The following FMNL3 variants were observed in gnomAD, a reference collection of about 807,000 sequenced individuals.
FMNL3 encodes formin like 3, also known as formin-like protein 3.
A neutral mutation model predicts 119.6 loss-of-function variants in FMNL3; 57 were observed. That is an observed-to-expected ratio of 0.48 (90% CI 0.39 to 0.59). The LOEUF (loss-of-function observed/expected upper bound fraction) is 0.59. Among genes scored for constraint, FMNL3 ranks in the 20% least tolerant of loss-of-function variants. The probability of loss-of-function intolerance (pLI) is 0.00; values close to 1 mark genes in which losing one functional copy is unlikely to be tolerated. For synonymous variants in FMNL3, 491 were observed against 507.3 expected, an observed-to-expected ratio of 0.97 and a Z score of 0.43; for missense variants, 1,053 against 1,323.5, an observed-to-expected ratio of 0.80 and a Z score of 3.17.
In FMNL3 at chr12:49,649,702, T is replaced by C. The variant is rs1943334567; in HGVS notation, c.2224A>G (p.Met742Val). 1 of 1,614,106 alleles carries C rather than the reference T, an allele frequency of 6.2e-7. No individual in the cohort carries two copies. Among genetic ancestry groups the C allele is most frequent in the Non-Finnish European group, 8.5e-7 (1 of 1,179,994 alleles). ...FLGNFQDNLQ[M>V]LTPQLNAIIA... ...GGTGGGGGCTGTACCGGTGTGAGCATCTGCAGGTTATCCTGGAAGTTCCCC... is the reference window on the plus strand; with the variant it reads ...GGTGGGGGCTGTACCGGTGTGAGCACCTGCAGGTTATCCTGGAAGTTCCCC... The change falls in exon 18 of 26, where the codon ATG (methionine) becomes GTG (valine). Residue 742 changes from methionine (M) to valine (V), a missense_variant. By Grantham distance (21) the Met-to-Val change is conservative. Around this residue, in one of 4 missense-constraint regions of FMNL3, gnomAD observed 324 missense variants for 380.9 expected, o/e 0.85. Coordinates refer to ENST00000335154, the MANE Select transcript of FMNL3 (RefSeq NM_175736.5). The surrounding 1 kb of genome is among the most constrained non-coding windows in gnomAD (Gnocchi z 5.6).
rs1942667809 is a variant in FMNL3 at position 49,641,644 on chromosome 12, T to C, written c.*4171A>G. The C allele has an allele frequency of 1.1e-5, 5 of 459,110 alleles. No individual in the cohort carries two copies. The highest frequency in any genetic ancestry group is 1.9e-5 in the Non-Finnish European group (5 of 257,018). The allele number at this position is 459,110 out of a possible 1,614,324, so 28.4% of individuals were successfully genotyped here. A position where few individuals can be genotyped will look rare whatever the true frequency, so the allele number is the denominator to read the frequency against. On this transcript the variant is annotated 3_prime_UTR_variant, in exon 26 of 26. Coordinates refer to ENST00000335154, the MANE Select transcript of FMNL3 (RefSeq NM_175736.5). ...AAGCCAAAGGAACAAAAGTTAATTT[T>C]GAGAAACTCAGCATTAATCAGCAGT...
intron 4 of FMNL3, among the ~76,000 whole-genome samples, chr12:49,662,776 C>A (rs1412373778): frequency 6.6e-6 from 1 of 152,142 alleles, no homozygotes; most frequent in East Asian, 1.9e-4. Flanking sequence ...TATCCCAGGG[C>A]ATTATTTTCC....
chr12:49,647,793 A>G lies in FMNL3; in HGVS notation c.2688T>C (p.Asn896=), dbSNP rs1395525475. ...TCTCGCCAAAGTAGCGCACAACTGC[A>G]TTGTAGGCCTCCTGGGGAAGGGGTG... ...RDAKTAEEAY[N]AVVRYFGESP... The change falls in exon 23 of 26, where the codon AAT becomes AAC. Residue 896 remains asparagine (N), a synonymous_variant. Coordinates refer to ENST00000335154, the MANE Select transcript of FMNL3 (RefSeq NM_175736.5). This position sits in a 1 kb window ranked among gnomAD's most constrained non-coding sequence, Gnocchi z 4.9. 6.2e-7 allele frequency: 1 copy of G among 1,613,908 alleles called. No individual in the cohort carries two copies. Among genetic ancestry groups the G allele is most frequent in the Admixed American group, 1.7e-5 (1 of 60,020 alleles).
rs763362137 is a variant in FMNL3 at position 49,657,147 on chromosome 12, G to C, written c.649C>G (p.Leu217Val). Residue 217 changes from leucine (L) to valine (V), a missense_variant, in exon 7 of 26, where the codon CTA (leucine) becomes GTA (valine). Physicochemically the swap from Leu to Val is conservative, Grantham distance 32. This residue lies in a region of FMNL3 where 445 missense variants were observed against 628.4 expected (regional missense o/e 0.71). Transcript: ENST00000335154. ...PGRRALKNSR[L>V]VSQKDDVHVC... ...TGGACGTCATCCTTCTGGCTCACTA[G>C]GCGGGAGTTCTTCAGGGCCCTGCGC... 10 of 1,614,032 alleles carry C rather than the reference G, an allele frequency of 6.2e-6. 1 individual carries two copies. In the African/African-American group the frequency reaches 1.3e-4, roughly 22 times the overall value.
chr12:49,653,582 G>A, intron 12 of FMNL3, 143 bp downstream of exon 12: 2 of 1,230,150 alleles, frequency 1.6e-6, no homozygotes, highest in Non-Finnish European at 1.1e-6. Flanking sequence ...CAGTGGCTCA[G>A]GCCTGAGTAT....
chr12:49,687,079 A>G (rs1944482865), intron 1 of FMNL3, among the ~76,000 whole-genome samples: 2 of 151,330 alleles, frequency 1.3e-5, no homozygotes, highest in Non-Finnish European at 1.5e-5. Context: ...CATCTTATCT[A>G]AATATCTTCC....
intron 1 of FMNL3, among the ~76,000 whole-genome samples, chr12:49,692,492 C>T (rs1419668582): frequency 3.9e-5 from 6 of 152,082 alleles, no homozygotes; most frequent in Admixed American, 3.9e-4. Flanking sequence ...CCACTCAATC[C>T]CCTCCACAGT....
rs555341101 is a variant in FMNL3, at chr12:49,706,075, C to T, written c.126+980G>A. 3.3e-5 allele frequency among the ~76,000 whole-genome samples: 5 copies of T among 152,312 alleles called. No individual in the cohort carries two copies. In the South Asian group the frequency reaches 1.0e-3, roughly 32 times the overall value. On this transcript the variant is annotated intron_variant, in intron 1 of 25. Transcript: ENST00000335154. ...CTCTTTGGGGAAGTGAGAACTATTT[C>T]CCCAAATTTCTCAAAGATTAACCCC...
In FMNL3 at chr12:49,652,009, G is replaced by T; in HGVS notation, c.1527C>A (p.Ala509=). The change falls in exon 14 of 26, where the codon GCC becomes GCA. Residue 509 remains alanine, a synonymous_variant. Coordinates refer to ENST00000335154, the MANE Select transcript of FMNL3 (RefSeq NM_175736.5). ...PPSDLDLLAP[A]PPPEEVLPLP... ...GAGGCAGGACCTCCTCAGGGGGTGG[G>T]GCTGGAGCCAGAAGGTCCAGGTCGG... 1.2e-6 allele frequency: 2 copies of T among 1,606,872 alleles called. No homozygotes were observed. Among genetic ancestry groups the T allele is most frequent in the South Asian group, 1.1e-5 (1 of 89,560 alleles).
Position 49,665,815 on chromosome 12 carries a change from C to T in FMNL3, c.368+17G>A, listed in dbSNP as rs187600449. ...CCTGGGGCCAGATGAAGAGGCTATA[C>T]GGCCAATCCAACTCACCCAATGTGG... On this transcript the variant is annotated intron_variant, in intron 4 of 25. Transcript: ENST00000335154. The T allele has an allele frequency of 1.3e-4, 206 of 1,613,788 alleles. No individual in the cohort carries two copies. The African/African-American group carries it at 2.2e-3, about 17-fold the overall frequency.
At position 49,643,993 on chromosome 12, in the gene FMNL3, A is replaced by G; in HGVS notation, c.*1822T>C. The G allele has an allele frequency of 6.2e-7, 1 of 1,614,114 alleles. No individual in the cohort carries two copies. The highest frequency in any genetic ancestry group is 8.5e-7 in the Non-Finnish European group (1 of 1,179,970). ...TAACCGTTCCCCAGGCTTTGGAATC[A>G]AGAAGGAGAAGGTGAGGGGCAGGGG... is the stretch of plus-strand genomic sequence containing the variant. On this transcript the variant is annotated 3_prime_UTR_variant, in exon 26 of 26. Coordinates refer to ENST00000335154, the MANE Select transcript of FMNL3 (RefSeq NM_175736.5).
intron 1 of FMNL3, among the ~76,000 whole-genome samples, chr12:49,697,110 G>A (rs1265960779): frequency 6.6e-6 from 1 of 152,186 alleles, no homozygotes; most frequent in African/African-American, 2.4e-5. Flanking sequence ...AACTACTGTT[G>A]ACAGATCTCT....
At chr12:49,648,440 C>T (rs1943283468) in intron 21 of FMNL3, 87 bp from the exon 22 acceptor site, 2 of 1,421,442 alleles carry the variant, frequency 1.4e-6, no homozygotes, top group Admixed American at 2.3e-5. Context: ...CTGGCCCTCC[C>T]CCTCAGCATG....
rs765197890 is a variant in FMNL3, at chr12:49,647,392, G to T, written c.2779-24C>A. 1.1e-5 allele frequency: 18 copies of T among 1,606,736 alleles called. No individual in the cohort carries two copies. In the African/African-American group the frequency reaches 2.3e-4, roughly 20 times the overall value. On this transcript the variant is annotated intron_variant, in intron 23 of 25. Coordinates refer to ENST00000335154, the MANE Select transcript of FMNL3 (RefSeq NM_175736.5). The surrounding 1 kb of genome is among the most constrained non-coding windows in gnomAD (Gnocchi z 4.9). ...TCCTAAGAGCCATGGAAGATGGGGGGTGGGGAGTGAGGCTCATAGGCTGTG... is the reference window on the plus strand; with the variant it reads ...TCCTAAGAGCCATGGAAGATGGGGGTTGGGGAGTGAGGCTCATAGGCTGTG...
chr12:49,646,403 T>A (rs1427736253), intron 25 of FMNL3, among the ~76,000 whole-genome samples: 1 of 152,176 alleles, frequency 6.6e-6, no homozygotes, highest in Non-Finnish European at 1.5e-5. Flanking sequence ...CCTACCCACT[T>A]GGTCTTAGTA....
intron 1 of FMNL3, among the ~76,000 whole-genome samples, chr12:49,701,315 TA>T (rs1388537249): frequency 6.6e-6 from 1 of 152,198 alleles, no homozygotes; most frequent in African/African-American, 2.4e-5. Flanking sequence ...AAATATTTAT[TA>T]TTTTCATAAT....
chr12:49,662,655 A>G (rs780236604), intron 4 of FMNL3, among the ~76,000 whole-genome samples: 14 of 152,210 alleles, frequency 9.2e-5, no homozygotes, highest in Non-Finnish European at 1.6e-4. Context: ...AAAGCATGGG[A>G]GATGAACAGG....
In FMNL3 at chr12:49,643,441, C is replaced by T; in HGVS notation, c.*2374G>A. 6.6e-7 allele frequency: 1 copy of T among 1,523,990 alleles called. No individual in the cohort carries two copies. The highest frequency in any genetic ancestry group is 8.8e-7 in the Non-Finnish European group (1 of 1,138,338). The allele number at this position is 1,523,990 out of a possible 1,614,324, so 94.4% of individuals were successfully genotyped here. ...CGTAGAAGCTGGAGAACTGTTGTCC[C>T]AGACTGAGAGGATGCCCTCCACAAG... On this transcript the variant is annotated 3_prime_UTR_variant, in exon 26 of 26. Transcript: ENST00000335154.
chr12:49,657,223 C>G, intron 6 of FMNL3, 33 bp from the exon 7 acceptor site: 1 of 1,543,766 alleles, frequency 6.5e-7, no homozygotes, highest in Non-Finnish European at 9.0e-7. Flanking sequence ...CAGGTGGGAG[C>G]TGAGGCTGCC....
Sources: allele counts gnomAD v4.1 joint callset (sites outside exome capture counted in the v4.1 genomes callset), GRCh38; gene constraint gnomAD v4.1.1; regional missense constraint gnomAD v4.1.1; non-coding constraint Gnocchi (gnomAD v3.1); transcripts MANE v1.5; gene names NCBI Gene and HGNC (gene_info 2026-07-23, HGNC 2026-07-21).